The following DYM variants were observed in gnomAD, a reference collection of about 807,000 sequenced individuals.
The protein encoded by DYM is dyggve-Melchior-Clausen syndrome protein.
DYM carries 78 observed loss-of-function variants against 93.1 expected under a neutral mutation model. The ratio of observed to expected loss-of-function variants is 0.84; its 90% CI spans 0.70 to 1.01. DYM has a LOEUF of 1.01. Ranked by LOEUF, DYM falls within the 50% of genes least tolerant of loss-of-function variation. The pLI is 0.00. For missense variants in DYM, 789 were observed against 845.0 expected (o/e 0.93, Z 0.82); for synonymous variants, 321 against 319.7 (o/e 1.00, Z -0.04).
intron 2 of DYM, among the ~76,000 whole-genome samples, chr18:49,391,908 G>C (rs1355219400): frequency 6.6e-6 from 1 of 152,160 alleles, no homozygotes; most frequent in Non-Finnish European, 1.5e-5. Flanking sequence ...GCAGCAGGGA[G>C]ACTTAGAAAA....
At chr18:49,104,453 A>G (rs2145712505) in intron 16 of DYM, among the ~76,000 whole-genome samples, 1 of 152,242 alleles carries the variant, frequency 6.6e-6, no homozygotes, top group Non-Finnish European at 1.5e-5. Context: ...TACTATGTTG[A>G]ATAGGAGTGG....
intron 2 of DYM, among the ~76,000 whole-genome samples, chr18:49,406,071 A>AT (rs1397297893): frequency 6.6e-6 from 1 of 152,108 alleles, no homozygotes; most frequent in Non-Finnish European, 1.5e-5. Flanking sequence ...TTGTACATTG[A>AT]TTTTGTATCC....
At chr18:49,339,489 T>G (rs1463834301) in intron 6 of DYM, among the ~76,000 whole-genome samples, 2 of 152,226 alleles carry the variant, frequency 1.3e-5, no homozygotes, top group Admixed American at 1.3e-4. Context: ...GTTGCCTTGC[T>G]GTAGGCTAAC....
At chr18:49,456,661 A>G (rs962701097) in intron 1 of DYM, among the ~76,000 whole-genome samples, 42 of 152,214 alleles carry the variant, frequency 2.8e-4, no homozygotes, top group Non-Finnish European at 5.0e-4. Context: ...CTTCCTTAAG[A>G]AATGAAAAAA....
At chr18:49,100,590 T>C (rs1231139229) in intron 16 of DYM, among the ~76,000 whole-genome samples, 1 of 152,220 alleles carries the variant, frequency 6.6e-6, no homozygotes, top group African/African-American at 2.4e-5. Context: ...TTCTCATGTT[T>C]TTGCATTCAA....
chr18:49,221,420 G>T (rs1177675785), intron 13 of DYM, among the ~76,000 whole-genome samples: 2 of 151,974 alleles, frequency 1.3e-5, no homozygotes, highest in Admixed American at 1.3e-4. Flanking sequence ...ATACCCAAAG[G>T]ATTATAAATC....
At chr18:49,393,094 A>G (rs1343790459) in intron 2 of DYM, among the ~76,000 whole-genome samples, 97 of 404 alleles carry the variant, frequency 0.24, 13 homozygotes, top group South Asian at 0.4. Flanking sequence ...GGAGGGAGGG[A>G]AGGAAGGAAG....
At chr18:49,169,951 G>C (rs1195236054) in intron 14 of DYM, among the ~76,000 whole-genome samples, 2 of 152,176 alleles carry the variant, frequency 1.3e-5, no homozygotes, top group African/African-American at 4.8e-5. Context: ...AGACAGCATG[G>C]AGCGGGAAAG....
At chr18:49,168,006 T>C (rs1187872338) in intron 14 of DYM, among the ~76,000 whole-genome samples, 1 of 151,234 alleles carries the variant, frequency 6.6e-6, no homozygotes, top group Non-Finnish European at 1.5e-5. Context: ...TCAAAAACAA[T>C]GTTGAGTAAA....
Position 49,202,807 on chromosome 18 carries a change from G to A in DYM, c.1625+6744C>T, listed in dbSNP as rs1366305599. Among the ~76,000 whole-genome samples, 35 of 50,158 alleles carry A rather than the reference G, an allele frequency of 7.0e-4. No individual in the cohort carries two copies. In the East Asian group the frequency reaches 0.019, roughly 27 times the overall value. The allele number at this position is 50,158 out of a possible 152,430, so 32.9% of individuals were successfully genotyped here. A position where few individuals can be genotyped will look rare whatever the true frequency, so the allele number is the denominator to read the frequency against. On this transcript the variant is annotated intron_variant, in intron 14 of 17. Transcript: ENST00000675505. ...AGCCCCTCCGCCCGGCAGCTGCCCC[G>A]TCTGAGAAGTGAGGAGCCTCTCCGC...
chr18:49,212,217 G>T (rs2092816648), intron 13 of DYM, among the ~76,000 whole-genome samples: 1 of 152,122 alleles, frequency 6.6e-6, no homozygotes, highest in South Asian at 2.1e-4. Context: ...ACAACTATAT[G>T]TAACATGATT....
At chr18:49,193,247 T>G (rs1359273631) in intron 14 of DYM, among the ~76,000 whole-genome samples, 1 of 151,984 alleles carries the variant, frequency 6.6e-6, no homozygotes, top group East Asian at 1.9e-4. Context: ...CAGTGGCTAT[T>G]ACAGAGTAAG....
At chr18:49,268,044 C>T (rs1167868072) in intron 11 of DYM, among the ~76,000 whole-genome samples, 1 of 152,046 alleles carries the variant, frequency 6.6e-6, no homozygotes, top group Non-Finnish European at 1.5e-5. Context: ...GCATGTGAAT[C>T]TACAATTATT....
At chr18:49,437,798 A>C (rs1383849033) in intron 1 of DYM, among the ~76,000 whole-genome samples, 1 of 152,188 alleles carries the variant, frequency 6.6e-6, no homozygotes, top group Admixed American at 6.5e-5. Flanking sequence ...TTTATTTTGC[A>C]TCTCTCTTGC....
At chr18:49,258,575 A>C (rs2094432081) in intron 11 of DYM, 82 bp from the exon 12 acceptor site, 2 of 891,000 alleles carry the variant, frequency 2.2e-6, no homozygotes, top group Admixed American at 3.9e-5. Flanking sequence ...ATTTTTGATA[A>C]ACGATGACTT....
chr18:49,166,753 A>C (rs1483666804), intron 14 of DYM, among the ~76,000 whole-genome samples: 2 of 152,178 alleles, frequency 1.3e-5, no homozygotes, highest in African/African-American at 4.8e-5. Flanking sequence ...GGCTAAAAGA[A>C]CTTTGGGTAG....
intron 8 of DYM, among the ~76,000 whole-genome samples, chr18:49,316,719 C>T (rs1390884713): frequency 6.6e-6 from 1 of 152,066 alleles, no homozygotes; most frequent in Non-Finnish European, 1.5e-5. Flanking sequence ...TGTATCTTCT[C>T]CTCCCCCTGA....
rs562552488 is a variant in DYM at position 49,362,694 on chromosome 18, A to G, written c.494+467T>C. Among the ~76,000 whole-genome samples the G allele has an allele frequency of 2.6e-3, 389 of 152,244 alleles. 1 individual carries two copies. The highest frequency in any genetic ancestry group is 8.1e-3 in the African/African-American group (335 of 41,542). On this transcript the variant is annotated intron_variant, in intron 6 of 17. Coordinates refer to ENST00000675505, the MANE Select transcript of DYM (RefSeq NM_001353214.3). ...TTAGAGAGCTTTACCCAGAGGTTTC[A>G]TTGGAGGACCTTCCCCTACATCTCA...
At chr18:49,183,672 G>A (rs1391993829) in intron 14 of DYM, among the ~76,000 whole-genome samples, 1 of 151,876 alleles carries the variant, frequency 6.6e-6, no homozygotes, top group East Asian at 1.9e-4. Flanking sequence ...CATTTAACAG[G>A]GTCTCAAAAA....
Sources: gnomAD v4.1 joint callset for allele counts (sites outside exome capture counted in the v4.1 genomes callset) on GRCh38, gnomAD v4.1.1 for gene constraint, MANE v1.5 for transcripts, NCBI Gene and HGNC (gene_info 2026-07-23, HGNC 2026-07-21) for gene names.